Variants in SIM1 observed in about 807,000 individuals in gnomAD.
The protein encoded by SIM1 is SIM bHLH transcription factor 1.
SIM1 carries 18 observed loss-of-function variants against 78.2 expected under a neutral mutation model. That is an observed-to-expected ratio of 0.23 (90% CI 0.16 to 0.34). The LOEUF (loss-of-function observed/expected upper bound fraction) is 0.34, where lower values mean the gene tolerates loss of function less well. SIM1 is among the 10% of genes least tolerant of loss of function. The pLI is 1.00. For synonymous variants in SIM1, 417 were observed against 385.2 expected (o/e 1.08, Z -0.97); for missense variants, 939 against 975.1 (o/e 0.96, Z 0.49).
Position 100,463,765 on chromosome 6 carries a change from C to T in SIM1, c.-297G>A, listed in dbSNP as rs951350963. The T allele has an allele frequency of 1.2e-4, 31 of 260,466 alleles. No individual in the cohort carries two copies. The highest frequency in any genetic ancestry group is 1.1e-4 in the Non-Finnish European group (15 of 137,830). The allele number at this position is 260,466 out of a possible 1,614,324, so 16.1% of individuals were successfully genotyped here. A position where few individuals can be genotyped will look rare whatever the true frequency, so the allele number is the denominator to read the frequency against. ...TGAGGGTCGTTCAGGGTATCAAATG[C>T]CAGTGGGACCCCTGAGGAGCCAGCC... On this transcript the variant is annotated 5_prime_UTR_variant, in exon 2 of 12. Coordinates refer to ENST00000369208, the MANE Select transcript of SIM1 (RefSeq NM_005068.3).
At chr6:100,393,945 AAAAC>A (rs1237686160) in intron 10 of SIM1, 56 bp from the exon 11 acceptor site, 6 of 1,496,152 alleles carry the variant, frequency 4.0e-6, no homozygotes, top group South Asian at 2.7e-5. Context: ...TCAGTAAGAG[AAAAC>A]AAACAAACAA....
intron 9 of SIM1, among the ~76,000 whole-genome samples, chr6:100,429,368 C>CA (rs34978126): frequency 1.4e-4 from 19 of 133,224 alleles, no homozygotes; most frequent in Non-Finnish European, 1.6e-4. Context: ...GACTCTGTCT[C>CA]AAAAAAAAAA....
At chr6:100,448,013 T>C in intron 8 of SIM1, 133 bp downstream of exon 8, 1 of 673,082 alleles carries the variant, frequency 1.5e-6, no homozygotes, top group South Asian at 1.9e-5. Context: ...TCAGGAGGCC[T>C]CACACACCAC....
At position 100,448,529 on chromosome 6, in the gene SIM1, C is replaced by T. The variant is rs1772423502; in HGVS notation, c.693G>A (p.Met231Ile). The change falls in exon 7 of 12, where the codon ATG becomes ATA. Residue 231 changes from methionine (M) to isoleucine (I), a missense_variant. Coordinates refer to ENST00000369208, the MANE Select transcript of SIM1 (RefSeq NM_005068.3). ...AVTEIKLHSN[M>I]FMFRASLDMK... ...TGTCCAGGCTGGCGCGGAACATAAA[C>T]ATATTGCTGTGTAGCTTGATCTCCG... The T allele has an allele frequency of 1.2e-6, 2 of 1,614,010 alleles. No homozygotes were observed. The highest frequency in any genetic ancestry group is 1.3e-5 in the African/African-American group (1 of 74,936).
At chr6:100,412,742 A>AGAAAGAAAGAAAGAAG (rs1771284104) in intron 10 of SIM1, among the ~76,000 whole-genome samples, 20 of 141,730 alleles carry the variant, frequency 1.4e-4, no homozygotes, top group African/African-American at 5.2e-4. Context: ...AAAGAAAGAA[A>AGAAAGAAAGAAAGAAG]GAAAGAAAGA....
chr6:100,391,386 T>G (rs531748784), intron 11 of SIM1, among the ~76,000 whole-genome samples: 5 of 152,296 alleles, frequency 3.3e-5, no homozygotes, highest in African/African-American at 9.6e-5. Flanking sequence ...AATGGTAAAG[T>G]GTGTTTATAC....
chr6:100,419,630 G>A (rs978221757), intron 10 of SIM1, among the ~76,000 whole-genome samples: 4 of 151,046 alleles, frequency 2.6e-5, no homozygotes, highest in African/African-American at 9.8e-5. Context: ...AAACCAGTTT[G>A]TTTTTGTTTT....
chr6:100,453,030 T>C (rs149395303), intron 3 of SIM1, among the ~76,000 whole-genome samples: 7 of 152,294 alleles, frequency 4.6e-5, no homozygotes, highest in Non-Finnish European at 1.0e-4. Context: ...AATGATGATG[T>C]TGCAGGGTTG....
Position 100,389,985 on chromosome 6 carries a change from C to A in SIM1, c.*376G>T. On this transcript the variant is annotated 3_prime_UTR_variant, in exon 12 of 12. Transcript: ENST00000369208. The stretch of plus-strand genomic sequence containing the variant: ...ATATTTCCATATGTAAAATGTATAC[C>A]GCAGTTTGTAAGTAATAGTTTGTGT... 1 of 383,572 alleles carries A rather than the reference C, an allele frequency of 2.6e-6. No individual in the cohort carries two copies. Among genetic ancestry groups the A allele is most frequent in the Non-Finnish European group, 4.6e-6 (1 of 216,594 alleles). The allele number at this position is 383,572 out of a possible 1,614,324, so 23.8% of individuals were successfully genotyped here. A position where few individuals can be genotyped will look rare whatever the true frequency, so the allele number is the denominator to read the frequency against.
chr6:100,438,597 A>C (rs1281355929), intron 9 of SIM1, among the ~76,000 whole-genome samples: 1 of 152,234 alleles, frequency 6.6e-6, no homozygotes, highest in Non-Finnish European at 1.5e-5. Flanking sequence ...TTGATCCAGC[A>C]ATCCCACTAC....
rs1770626078 is a variant in SIM1 at position 100,391,042 on chromosome 6, C to T, written c.1620G>A (p.Gly540=). 2 of 1,613,980 alleles carry T rather than the reference C, an allele frequency of 1.2e-6. No individual in the cohort carries two copies. Among genetic ancestry groups the T allele is most frequent in the Non-Finnish European group, 1.7e-6 (2 of 1,179,984 alleles). The change falls in exon 12 of 12, where the codon GGG becomes GGA. Residue 540 remains glycine, a synonymous_variant. Transcript: ENST00000369208. ...EDSVVSSPDP[G]SASESGDRYR... is the part of the protein sequence containing the mutation. ...ATCGGTCACCTGATTCACTGGCCGA[C>T]CCAGGGTCTGGAGAACTGACCACAC...
intron 10 of SIM1, among the ~76,000 whole-genome samples, chr6:100,400,675 A>G (rs1770893144): frequency 6.6e-6 from 1 of 152,118 alleles, no homozygotes; most frequent in South Asian, 2.1e-4. Context: ...AGAAAAACTT[A>G]AGCAAAAGTA....
At position 100,464,814 on chromosome 6, in the gene SIM1, G is replaced by A. The variant is rs1227892362; in HGVS notation, c.-668C>T. 1.3e-5 allele frequency: 2 copies of A among 152,278 alleles called. No homozygotes were observed. Among genetic ancestry groups the A allele is most frequent in the Non-Finnish European group, 2.9e-5 (2 of 68,112 alleles). 9.4% of individuals were successfully genotyped at this position (152,278 alleles called of 1,614,324 possible). ...AAGAGGAGGATGCAAGCTTTGGGACGAGTGAGGTGATTTTAGAATCCTGGT... is the reference window on the plus strand; with the variant it reads ...AAGAGGAGGATGCAAGCTTTGGGACAAGTGAGGTGATTTTAGAATCCTGGT... On this transcript the variant is annotated 5_prime_UTR_variant, in exon 1 of 12. Coordinates refer to ENST00000369208, the MANE Select transcript of SIM1 (RefSeq NM_005068.3).
At chr6:100,450,402 T>C (rs748173566) in intron 3 of SIM1, 46 bp from the exon 4 acceptor site, 1 of 1,536,908 alleles carries the variant, frequency 6.5e-7, no homozygotes, top group Admixed American at 1.7e-5. Context: ...CTGGGCCATC[T>C]GGAGAAATGG....
chr6:100,451,703 C>T (rs1467659929), intron 3 of SIM1, among the ~76,000 whole-genome samples: 2 of 152,136 alleles, frequency 1.3e-5, no homozygotes, highest in East Asian at 1.9e-4. Context: ...TGGATATGGA[C>T]TTCACTGGTA....
Position 100,449,582 on chromosome 6 carries a change from C to T in SIM1, c.457+9G>A, listed in dbSNP as rs764153028. 2 of 1,611,952 alleles carry T rather than the reference C, an allele frequency of 1.2e-6. No individual in the cohort carries two copies. Among genetic ancestry groups the T allele is most frequent in the Admixed American group, 3.3e-5 (2 of 60,032 alleles). On this transcript the variant is annotated intron_variant, in intron 5 of 11. Coordinates refer to ENST00000369208, the MANE Select transcript of SIM1 (RefSeq NM_005068.3). ...GGGCCTGAGCGTCGCAGGCATGTGT[C>T]TACCTTACCCTGCACGAAGTGAGAG...
intron 2 of SIM1, among the ~76,000 whole-genome samples, chr6:100,458,006 TTC>T (rs71028024): frequency 9.5e-4 from 86 of 90,254 alleles, no homozygotes; most frequent in Admixed American, 2.4e-3. Flanking sequence ...GTCTCTCTCT[TTC>T]TCTCTCTCTC....
chr6:100,457,030 C>T (rs1429495912), intron 2 of SIM1, among the ~76,000 whole-genome samples: 3 of 152,164 alleles, frequency 2.0e-5, no homozygotes, highest in Non-Finnish European at 4.4e-5. Flanking sequence ...TGATGAGCCC[C>T]AGTCTAGTGT....
chr6:100,444,869 T>C (rs1007873867), intron 9 of SIM1, among the ~76,000 whole-genome samples: 1 of 152,172 alleles, frequency 6.6e-6, no homozygotes, highest in Non-Finnish European at 1.5e-5. Flanking sequence ...TTAAAACCTC[T>C]ACTTTCATGA....
Sources: allele counts gnomAD v4.1 joint callset (sites outside exome capture counted in the v4.1 genomes callset), GRCh38; gene constraint gnomAD v4.1.1; transcripts MANE v1.5; gene names NCBI Gene and HGNC (gene_info 2026-07-23, HGNC 2026-07-21).